The following AFF1 variants were observed in gnomAD, a reference collection of about 807,000 sequenced individuals.
AFF1 encodes ALF transcription elongation factor 1, also known as AF4/FMR2 family member 1.
In AFF1, 48 loss-of-function variants were observed where a neutral mutation model predicts 121.7. The observed-to-expected ratio is 0.39, with a 90% CI of 0.31 to 0.50. The LOEUF is 0.50. Ranked by LOEUF, AFF1 falls within the 20% of genes least tolerant of loss-of-function variation. The pLI is 0.76. For missense variants in AFF1, 1,523 were observed against 1,511.7 expected (o/e 1.01, Z -0.12); for synonymous variants, 613 against 563.0 (o/e 1.09, Z -1.26).
intron 4 of AFF1, among the ~76,000 whole-genome samples, chr4:87,070,036 G>A (rs934264993): frequency 4.0e-5 from 6 of 151,710 alleles, no homozygotes; most frequent in Non-Finnish European, 5.9e-5. Context: ...ATGGAGTCTC[G>A]CTTAGTCACC....
At chr4:87,133,050 A>G (rs999094245) in intron 19 of AFF1, among the ~76,000 whole-genome samples, 3 of 152,242 alleles carry the variant, frequency 2.0e-5, no homozygotes, top group African/African-American at 7.2e-5. Flanking sequence ...GGCGGAGCCA[A>G]CAGAACCAGA....
chr4:87,047,390 C>T lies in AFF1; in HGVS notation c.855C>T (p.Ser285=), dbSNP rs781352290. The T allele has an allele frequency of 3.7e-6, 6 of 1,614,150 alleles. No individual in the cohort carries two copies. Among genetic ancestry groups the T allele is most frequent in the South Asian group, 3.3e-5 (3 of 91,086 alleles). The part of the protein sequence containing the change: ...QPPSQTFPPP[S]LPSKSVAMQQ... ...CTTCTCAGACATTTCCACCTCCCTC[C>T]CTCCCCTCAAAAAGTGTTGCAATGC... The change falls in exon 4 of 21, where the codon TCC becomes TCT. Residue 285 remains serine, a synonymous_variant. Coordinates refer to ENST00000395146, the MANE Select transcript of AFF1 (RefSeq NM_001166693.3).
chr4:87,127,817 A>AG (rs1446512345), intron 16 of AFF1, 114 bp downstream of exon 16: 6 of 1,064,206 alleles, frequency 5.6e-6, no homozygotes, highest in South Asian at 4.4e-5. Context: ...CGGTGGAAGG[A>AG]GGGGGTGCAG....
intron 2 of AFF1, among the ~76,000 whole-genome samples, chr4:86,960,364 G>C (rs948009193): frequency 1.4e-4 from 22 of 152,114 alleles, no homozygotes; most frequent in African/African-American, 5.1e-4. Context: ...AAGTGGAACA[G>C]GGCAGAATTT....
intron 2 of AFF1, among the ~76,000 whole-genome samples, chr4:87,039,786 T>C (rs965090192): frequency 1.3e-5 from 2 of 152,196 alleles, no homozygotes; most frequent in East Asian, 3.8e-4. Context: ...TAAATAGATT[T>C]TTGCAGACTT....
At chr4:87,113,056 A>G (rs1326131858) in intron 11 of AFF1, among the ~76,000 whole-genome samples, 3 of 152,226 alleles carry the variant, frequency 2.0e-5, no homozygotes, top group Non-Finnish European at 4.4e-5. Context: ...AGTCTCCGTC[A>G]TTCTTTTAAT....
chr4:86,973,613 G>A (rs1723091771), intron 2 of AFF1, among the ~76,000 whole-genome samples: 1 of 152,168 alleles, frequency 6.6e-6, no homozygotes, highest in South Asian at 2.1e-4. Flanking sequence ...ATTTGGTAAA[G>A]AGAAAGGAAG....
chr4:87,131,229 G>A lies in AFF1; in HGVS notation c.3101+10G>A, dbSNP rs202032087. 16 of 1,613,582 alleles carry A rather than the reference G, an allele frequency of 9.9e-6. No homozygotes were observed. In the Admixed American group the frequency reaches 1.0e-4, roughly 10 times the overall value. On this transcript the variant is annotated intron_variant, in intron 17 of 20. Coordinates refer to ENST00000395146, the MANE Select transcript of AFF1 (RefSeq NM_001166693.3). ...CTGTAGATCTCATTAAGTAAGTGCCGAGTCATTGTGCTTTCCTCTTAAGTC... is the reference window on the plus strand; with the variant it reads ...CTGTAGATCTCATTAAGTAAGTGCCAAGTCATTGTGCTTTCCTCTTAAGTC...
At chr4:87,006,365 T>A (rs2149527200) in intron 2 of AFF1, among the ~76,000 whole-genome samples, 1 of 152,290 alleles carries the variant, frequency 6.6e-6, no homozygotes, top group Middle Eastern at 3.4e-3. Flanking sequence ...GAGTAGGAAG[T>A]GATTTCGTTT....
chr4:87,015,652 G>A (rs1363153415), intron 2 of AFF1, among the ~76,000 whole-genome samples: 3 of 152,136 alleles, frequency 2.0e-5, no homozygotes, highest in South Asian at 4.1e-4. Context: ...GCAGGGAGGG[G>A]CCTCCTCTTA....
intron 4 of AFF1, among the ~76,000 whole-genome samples, chr4:87,062,172 A>G (rs1720850435): frequency 6.6e-6 from 1 of 152,212 alleles, no homozygotes; most frequent in South Asian, 2.1e-4. Flanking sequence ...AAGACCTTAG[A>G]CTGGGTAATT....
At chr4:86,958,580 T>A (rs1212643227) in intron 2 of AFF1, among the ~76,000 whole-genome samples, 1 of 151,880 alleles carries the variant, frequency 6.6e-6, no homozygotes, top group Non-Finnish European at 1.5e-5. Flanking sequence ...TAGCCGGGTG[T>A]GGTGGTACGT....
At chr4:87,015,964 T>A (rs1727249487) in intron 2 of AFF1, among the ~76,000 whole-genome samples, 1 of 152,236 alleles carries the variant, frequency 6.6e-6, no homozygotes, top group Non-Finnish European at 1.5e-5. Context: ...GCGGATCACC[T>A]GAGGTCAGGA....
intron 6 of AFF1, among the ~76,000 whole-genome samples, chr4:87,091,180 G>T (rs1452679289): frequency 1.3e-5 from 2 of 152,064 alleles, no homozygotes; most frequent in East Asian, 3.9e-4. Flanking sequence ...TGAGGCGGGT[G>T]GATCACGAGG....
chr4:87,109,374 A>G (rs1726239926), intron 11 of AFF1, among the ~76,000 whole-genome samples: 1 of 152,258 alleles, frequency 6.6e-6, no homozygotes, highest in African/African-American at 2.4e-5. Flanking sequence ...ATGCGAATCT[A>G]TGTCTGGCGC....
At chr4:87,072,049 A>C (rs566868806) in intron 4 of AFF1, among the ~76,000 whole-genome samples, 1 of 152,242 alleles carries the variant, frequency 6.6e-6, no homozygotes, top group East Asian at 1.9e-4. Context: ...TGGAGAGAAA[A>C]TAATATGAAT....
rs922686668 is a variant in AFF1 at position 87,138,643 on chromosome 4, T to G, written c.*2942T>G. 4.5e-6 allele frequency: 1 copy of G among 220,928 alleles called. No homozygotes were observed. Among genetic ancestry groups the G allele is most frequent in the African/African-American group, 2.4e-5 (1 of 40,818 alleles). The allele number at this position is 220,928 out of a possible 1,614,324, so 13.7% of individuals were successfully genotyped here. On this transcript the variant is annotated 3_prime_UTR_variant, in exon 21 of 21. Coordinates refer to ENST00000395146, the MANE Select transcript of AFF1 (RefSeq NM_001166693.3). ...TAATGAAAAAACACTTTACTAAAAT[T>G]TATCAAATTATACTGGGTTCGGATT...
intron 2 of AFF1, among the ~76,000 whole-genome samples, chr4:86,958,089 T>TTC (rs753377817): frequency 8.9e-6 from 1 of 112,002 alleles, no homozygotes; most frequent in Non-Finnish European, 1.8e-5. Context: ...TCTTTTTTTT[T>TTC]CCTTTTTTTT....
At chr4:86,951,538 T>TA (rs547487984) in intron 2 of AFF1, among the ~76,000 whole-genome samples, 9 of 152,202 alleles carry the variant, frequency 5.9e-5, no homozygotes, top group African/African-American at 1.7e-4. Flanking sequence ...AACTTGAATA[T>TA]ATATTGTACA....
Sources: allele counts gnomAD v4.1 joint callset (sites outside exome capture counted in the v4.1 genomes callset), GRCh38; gene constraint gnomAD v4.1.1; transcripts MANE v1.5; gene names NCBI Gene and HGNC (gene_info 2026-07-23, HGNC 2026-07-21).